Variants in PBX3 observed in about 807,000 individuals in gnomAD.
The protein encoded by PBX3 is PBX homeobox 3.
In PBX3, 14 loss-of-function variants were observed where a neutral mutation model predicts 48.5. The observed-to-expected ratio is 0.29, with a 90% CI of 0.19 to 0.45. The LOEUF is 0.45. Ranked by LOEUF, PBX3 falls within the 20% of genes least tolerant of loss-of-function variation. The probability of loss-of-function intolerance (pLI) is 1.00; values close to 1 mark genes in which losing one functional copy is unlikely to be tolerated. For missense variants in PBX3, 386 were observed against 546.7 expected, an observed-to-expected ratio of 0.71 and a Z score of 2.93; for synonymous variants, 210 against 200.3, an observed-to-expected ratio of 1.05 and a Z score of -0.41.
intron 2 of PBX3, chr9:125,865,244 C>CT (rs948691220): frequency 5.9e-6 from 1 of 169,130 alleles, no homozygotes; most frequent in Non-Finnish European, 1.5e-5. Context: ...AACTTCAGTA[C>CT]TTTTTTCTAC....
chr9:125,795,465 T>C (rs954255404), intron 2 of PBX3, among the ~76,000 whole-genome samples: 17 of 152,218 alleles, frequency 1.1e-4, no homozygotes, highest in African/African-American at 4.1e-4. Flanking sequence ...GCATATGCTC[T>C]AGAGTTAACC....
chr9:125,827,076 C>T (rs1234445615), intron 2 of PBX3, among the ~76,000 whole-genome samples: 1 of 152,154 alleles, frequency 6.6e-6, no homozygotes, highest in Admixed American at 6.6e-5. Context: ...ACTCTATTCT[C>T]TACCTCTGTG....
In PBX3 at chr9:125,955,557, G is replaced by T. The variant is rs145683044; in HGVS notation, c.844-5127G>T. On this transcript the variant is annotated intron_variant, in intron 5 of 8. Transcript: ENST00000373489. Reference sequence around the variant, plus strand: ...GAGTGGTCCAGGGAGAGGGAGGCAGGCTTGCATTTTTGGCTTATTTGTGGC... The same window carrying T: ...GAGTGGTCCAGGGAGAGGGAGGCAGTCTTGCATTTTTGGCTTATTTGTGGC... Among the ~76,000 whole-genome samples the T allele has an allele frequency of 2.7e-3, 404 of 152,294 alleles. 3 individuals are homozygous for T. Among genetic ancestry groups the T allele is most frequent in the South Asian group, 5.4e-3 (26 of 4,828 alleles).
intron 5 of PBX3, among the ~76,000 whole-genome samples, chr9:125,946,712 T>C (rs1416729596): frequency 6.6e-6 from 1 of 151,988 alleles, no homozygotes; most frequent in Non-Finnish European, 1.5e-5. Context: ...AGACAGAGAA[T>C]AGGAGACATA....
chr9:125,794,398 C>G (rs565850183), intron 2 of PBX3, among the ~76,000 whole-genome samples: 1 of 152,238 alleles, frequency 6.6e-6, no homozygotes. Context: ...CAAATTGCCT[C>G]TTTGGGCAAC....
intron 8 of PBX3, among the ~76,000 whole-genome samples, chr9:125,964,723 A>G (rs1248977758): frequency 2.0e-5 from 3 of 152,192 alleles, no homozygotes; most frequent in East Asian, 3.9e-4. Context: ...AGAAGAAACA[A>G]TGGCTGCCAC....
At chr9:125,834,696 C>G (rs117297328) in intron 2 of PBX3, among the ~76,000 whole-genome samples, 2,983 of 151,182 alleles carry the variant, frequency 0.02, 165 homozygotes, top group East Asian at 0.17. Context: ...CCTCACCCGA[C>G]CAATTATTTT....
intron 5 of PBX3, among the ~76,000 whole-genome samples, chr9:125,947,891 CA>C: frequency 1.3e-5 from 2 of 151,862 alleles, no homozygotes; most frequent in Non-Finnish European, 2.9e-5. Flanking sequence ...CAAGGAAGCT[CA>C]AAAAACATAA....
chr9:125,934,838 A>G (rs1239677277), intron 4 of PBX3, among the ~76,000 whole-genome samples: 1 of 152,112 alleles, frequency 6.6e-6, no homozygotes, highest in Non-Finnish European at 1.5e-5. Context: ...CCAAGTTACT[A>G]TCATCTTCAT....
At chr9:125,801,487 T>C (rs140932479) in intron 2 of PBX3, among the ~76,000 whole-genome samples, 1 of 152,326 alleles carries the variant, frequency 6.6e-6, no homozygotes, top group East Asian at 1.9e-4. Flanking sequence ...TTTCCAAGTA[T>C]TTTGATATAT....
In PBX3 at chr9:125,967,269, C is replaced by T. The variant is rs1182463068; in HGVS notation, c.*1346C>T. 1 of 152,588 alleles carries T rather than the reference C, an allele frequency of 6.6e-6. No homozygotes were observed. Among genetic ancestry groups the T allele is most frequent in the Admixed American group, 6.5e-5 (1 of 15,276 alleles). 9.5% of individuals were successfully genotyped at this position (152,588 alleles called of 1,614,324 possible). On this transcript the variant is annotated 3_prime_UTR_variant, in exon 9 of 9. Coordinates refer to ENST00000373489, the MANE Select transcript of PBX3 (RefSeq NM_006195.6). Reference sequence around the variant, plus strand: ...GGCGGTGATTCTAATGTATTAAAAACGTTTCGTGTTCCTTTCTAACTGGAT... The same window carrying T: ...GGCGGTGATTCTAATGTATTAAAAATGTTTCGTGTTCCTTTCTAACTGGAT...
intron 2 of PBX3, among the ~76,000 whole-genome samples, chr9:125,758,780 C>CTG (rs1313381089): frequency 4.6e-5 from 7 of 152,042 alleles, no homozygotes; most frequent in African/African-American, 1.7e-4. Flanking sequence ...TGAGCAATGT[C>CTG]TGTGTGCAGC....
At chr9:125,885,345 A>G (rs1237072163) in intron 2 of PBX3, among the ~76,000 whole-genome samples, 1 of 152,202 alleles carries the variant, frequency 6.6e-6, no homozygotes. Context: ...AATGCTAAAT[A>G]TGCAAAGCCT....
intron 2 of PBX3, among the ~76,000 whole-genome samples, chr9:125,780,403 G>A (rs1337328678): frequency 4.8e-5 from 4 of 84,182 alleles, no homozygotes; most frequent in South Asian, 4.0e-4. Context: ...GCGGCTGGCC[G>A]GGCGGGGGGC....
chr9:125,789,038 T>G (rs968615601), intron 2 of PBX3, among the ~76,000 whole-genome samples: 2 of 152,196 alleles, frequency 1.3e-5, no homozygotes, highest in Non-Finnish European at 1.5e-5. Context: ...GTTGTTATCT[T>G]TCTATGATTT....
At chr9:125,854,856 T>C (rs934420285) in intron 2 of PBX3, among the ~76,000 whole-genome samples, 1 of 152,230 alleles carries the variant, frequency 6.6e-6, no homozygotes, top group Non-Finnish European at 1.5e-5. Context: ...ATTACAGTTA[T>C]GGCTTTAAAC....
At chr9:125,907,933 A>C (rs1287253759) in intron 2 of PBX3, among the ~76,000 whole-genome samples, 4 of 152,104 alleles carry the variant, frequency 2.6e-5, no homozygotes, top group Non-Finnish European at 5.9e-5. Context: ...TCCACCCTGT[A>C]AGGTTATTTT....
chr9:125,903,842 T>G (rs1841008033), intron 2 of PBX3, among the ~76,000 whole-genome samples: 1 of 151,904 alleles, frequency 6.6e-6, no homozygotes, highest in Non-Finnish European at 1.5e-5. Context: ...AAAGAGTTAG[T>G]TCAGACTGTA....
intron 2 of PBX3, among the ~76,000 whole-genome samples, chr9:125,775,351 C>G (rs1483629907): frequency 1.3e-5 from 2 of 152,034 alleles, no homozygotes; most frequent in Admixed American, 6.5e-5. Flanking sequence ...ATCTTTTGCC[C>G]ATTTTTAAAA....
Sources: allele counts gnomAD v4.1 joint callset (sites outside exome capture counted in the v4.1 genomes callset), GRCh38; gene constraint gnomAD v4.1.1; transcripts MANE v1.5; gene names NCBI Gene and HGNC (gene_info 2026-07-23, HGNC 2026-07-21).